CCDC120: variants seen among roughly 807,000 people sequenced by gnomAD.
CCDC120 encodes coiled-coil domain-containing protein 120.
A neutral mutation model predicts 37.6 loss-of-function variants in CCDC120; 16 were observed. The observed-to-expected ratio is 0.43, with a 90% CI of 0.29 to 0.65. CCDC120 has a LOEUF of 0.65. Ranked by LOEUF, CCDC120 falls within the 30% of genes least tolerant of loss-of-function variation. CCDC120 has a pLI of 0.18. For missense variants in CCDC120, 650 were observed against 657.4 expected (o/e 0.99, Z 0.12); for synonymous variants, 309 against 275.4 (o/e 1.12, Z -1.21).
At chrX:49,068,357 G>A (rs2064985195) in intron 10 of CCDC120, 187 bp from the exon 11 acceptor site, 2 of 1,061,368 alleles carry the variant, frequency 1.9e-6, no homozygotes, top group East Asian at 7.1e-5. Context: ...GGGAGGAAGG[G>A]ACATCTCATG....
At chrX:49,064,342 A>G (rs781943262) in intron 5 of CCDC120, 28 bp from the exon 6 acceptor site, 5 of 1,141,956 alleles carry the variant, frequency 4.4e-6, no homozygotes, top group Non-Finnish European at 5.8e-6. Context: ...GTTCCTGGCC[A>G]TTTCCAACAT....
rs373303313 is a variant in CCDC120 at position 49,062,520 on chromosome X, G to A, written c.207G>A (p.Gly69=). 8.3e-7 allele frequency: 1 copy of A among 1,211,996 alleles called. No individual in the cohort carries two copies. Among genetic ancestry groups the A allele is most frequent in the Non-Finnish European group, 1.1e-6 (1 of 895,549 alleles). Residue 69 remains glycine (G), a synonymous_variant, in exon 4 of 11, where the codon GGG becomes GGA. Transcript: ENST00000603986. ...AGGTGAAGTCAGAGCGTCTGCGGGG[G>A]CTGCTTGACCGGCAGCGGACCCTGC... ...APQVKSERLR[G]LLDRQRTLQE...
intron 1 of CCDC120, among the ~76,000 whole-genome samples, chrX:49,060,554 G>GT (rs1477056356): frequency 3.6e-5 from 4 of 110,356 alleles, no homozygotes; most frequent in Non-Finnish European, 7.6e-5. Flanking sequence ...GTAAAGGAAG[G>GT]TTCCAGGGAA....
chrX:49,059,409 C>T (rs1278378625), intron 1 of CCDC120: 1 of 724,662 alleles, frequency 1.4e-6, no homozygotes, highest in South Asian at 7.0e-5. Context: ...GCTTCCTTTC[C>T]TCCCCGCCAG....
intron 4 of CCDC120, 90 bp from the exon 5 acceptor site, chrX:49,063,771 G>A (rs2064916084): frequency 2.0e-6 from 2 of 1,024,802 alleles, no homozygotes; most frequent in Admixed American, 3.0e-5. Context: ...CAGGCTCCTG[G>A]TAGGACTTCT....
chrX:49,064,130 G>T lies in CCDC120; in HGVS notation c.429+129G>T, dbSNP rs1164849987. Reference sequence around the variant, plus strand: ...AGAGGCTAAGATGAGAAGGAAAAGGGCTTCTGGAGTTAGTTTCCTGTGATG... The same window carrying T: ...AGAGGCTAAGATGAGAAGGAAAAGGTCTTCTGGAGTTAGTTTCCTGTGATG... On this transcript the variant is annotated intron_variant, in intron 5 of 10. Coordinates refer to ENST00000603986, the MANE Select transcript of CCDC120 (RefSeq NM_001163321.4). The T allele has an allele frequency of 5.3e-6, 5 of 936,535 alleles. No individual in the cohort carries two copies. In the African/African-American group the frequency reaches 6.0e-5, roughly 11 times the overall value. 77.2% of individuals were successfully genotyped at this position (936,535 alleles called of 1,213,427 possible).
At position 49,064,372 on chromosome X, in the gene CCDC120, G is replaced by A; in HGVS notation, c.432G>A (p.Glu144=). The change falls in exon 6 of 11, where the codon GAG becomes GAA. Residue 144 remains glutamate, a splice_region_variant and synonymous_variant. Coordinates refer to ENST00000603986, the MANE Select transcript of CCDC120 (RefSeq NM_001163321.4). ...QAHHSLCPAE[E]LALEALEREV... ...CAACATTTGGGTGGGCCCAACAGGA[G>A]CTGGCTCTTGAGGCCCTGGAACGCG... The A allele has an allele frequency of 8.6e-7, 1 of 1,163,927 alleles. No homozygotes were observed. The highest frequency in any genetic ancestry group is 1.1e-6 in the Non-Finnish European group (1 of 871,446).
chrX:49,056,971 G>A (rs1177145206), upstream of CCDC120, among the ~76,000 whole-genome samples: 2 of 112,250 alleles, frequency 1.8e-5, no homozygotes, highest in African/African-American at 6.5e-5. Flanking sequence ...GAGGCACAGA[G>A]AGGTTAAGTG....
chrX:49,062,618 A>G lies in CCDC120; in HGVS notation c.288+17A>G, dbSNP rs781869149. 3 of 1,200,477 alleles carry G rather than the reference A, an allele frequency of 2.5e-6. No individual in the cohort carries two copies. The highest frequency in any genetic ancestry group is 2.2e-5 in the Admixed American group (1 of 45,127). Reference sequence around the variant, plus strand: ...CAGGAGGCGGTGAGGGCCTGGCCCTAGGGGTATCAGGCGGGGAGGTTGGGA... The same window carrying G: ...CAGGAGGCGGTGAGGGCCTGGCCCTGGGGGTATCAGGCGGGGAGGTTGGGA... On this transcript the variant is annotated intron_variant, in intron 4 of 10. Coordinates refer to ENST00000603986, the MANE Select transcript of CCDC120 (RefSeq NM_001163321.4).
rs782311234 is a variant in CCDC120 at position 49,067,875 on chromosome X, G to A, written c.1761G>A (p.Lys587=). 48 of 1,167,216 alleles carry A rather than the reference G, an allele frequency of 4.1e-5. 1 individual carries two copies. In the Middle Eastern group the frequency reaches 1.7e-3, roughly 41 times the overall value. The change falls in exon 10 of 11, where the codon AAG becomes AAA. Residue 587 remains lysine, a synonymous_variant. Coordinates refer to ENST00000603986, the MANE Select transcript of CCDC120 (RefSeq NM_001163321.4). ...CGGCTGGTGAACGCAGTGGCCACAA[G>A]AACCTGGCTCTGGAGGGGCTGCGGG... ...IPSAGERSGH[K]NLALEGLRDW... is the part of the protein sequence containing the mutation.
chrX:49,063,136 G>C (rs1416050876), intron 4 of CCDC120, among the ~76,000 whole-genome samples: 1 of 107,368 alleles, frequency 9.3e-6, no homozygotes, highest in Non-Finnish European at 1.9e-5. Flanking sequence ...GGAGCTTGCA[G>C]TGAGCCCAGA....
intron 9 of CCDC120, chrX:49,066,956 C>T (rs2064961709): frequency 4.8e-6 from 2 of 415,113 alleles, no homozygotes; most frequent in African/African-American, 5.1e-5. Flanking sequence ...TGCCAGGCCT[C>T]CCCCACGCAT....
In CCDC120 at chrX:49,065,514, A is replaced by G. The variant is rs782118601; in HGVS notation, c.848A>G (p.Gln283Arg). 1 of 1,210,131 alleles carries G rather than the reference A, an allele frequency of 8.3e-7. No homozygotes were observed. Among genetic ancestry groups the G allele is most frequent in the South Asian group, 1.8e-5 (1 of 56,551 alleles). The change falls in exon 8 of 11, where the codon CAG becomes CGG. Residue 283 changes from glutamine (Q) to arginine (R), a missense_variant. Gln to Arg is a conservative substitution (Grantham distance 43). Around this residue, in one of 3 missense-constraint regions of CCDC120, gnomAD observed 576 missense variants for 565.3 expected, o/e 1.02. Coordinates refer to ENST00000603986, the MANE Select transcript of CCDC120 (RefSeq NM_001163321.4). ...CCCTCACCACCCAAGGCTTGGGACC[A>G]GCTGCGGGCAGTATCTGGGGGGAGC... Reference protein sequence around the residue: ...ERPSPPKAWDQLRAVSGGSPE... With the variant: ...ERPSPPKAWDRLRAVSGGSPE...
rs781896051 is a variant in CCDC120 at position 49,062,213 on chromosome X, G to A, written c.64-22G>A. The A allele has an allele frequency of 2.2e-5, 26 of 1,197,497 alleles. No homozygotes were observed. The African/African-American group carries it at 3.2e-4, about 15-fold the overall frequency. On this transcript the variant is annotated intron_variant, in intron 2 of 10. Coordinates refer to ENST00000603986, the MANE Select transcript of CCDC120 (RefSeq NM_001163321.4). ...GTATCATGGGATGTGCTTCCTTAAC[G>A]GCTCCTTTGTGTCACTGCCAGACTT... is the stretch of plus-strand genomic sequence containing the variant.
chrX:49,067,917 C>T lies in CCDC120; in HGVS notation c.1803C>T (p.Asn601=). 1 of 1,158,502 alleles carries T rather than the reference C, an allele frequency of 8.6e-7. No homozygotes were observed. The highest frequency in any genetic ancestry group is 1.2e-6 in the Non-Finnish European group (1 of 866,191). The part of the protein sequence containing the change: ...LEGLRDWYIR[N]SGLAAGPQRR... ...GGCTGCGGGACTGGTACATCCGGAA[C>T]TCGGGACTGGCTGCGGGGCCCCAGC... Residue 601 remains asparagine (N), a synonymous_variant, in exon 10 of 11, where the codon AAC becomes AAT. Coordinates refer to ENST00000603986, the MANE Select transcript of CCDC120 (RefSeq NM_001163321.4).
Position 49,062,228 on chromosome X carries a change from CT to C in CCDC120, c.64-6del. 2 of 1,206,378 alleles carry C rather than the reference CT, an allele frequency of 1.7e-6. No homozygotes were observed. The highest frequency in any genetic ancestry group is 2.2e-6 in the Non-Finnish European group (2 of 892,735). ...CTTCCTTAACGGCTCCTTTGTGTCA[CT>C]GCCAGACTTTGTCCAGCCATCAGCC... On this transcript the variant is annotated splice_polypyrimidine_tract_variant and splice_region_variant and intron_variant, in intron 2 of 10. Transcript: ENST00000603986.
At position 49,069,381 on chromosome X, in the gene CCDC120, C is replaced by CT. The variant is rs1160013361; in HGVS notation, c.*733dup. On this transcript the variant is annotated 3_prime_UTR_variant, in exon 11 of 11. Coordinates refer to ENST00000603986, the MANE Select transcript of CCDC120 (RefSeq NM_001163321.4). ...CACCTTCCTTGGCTTTCCTTCCACC[C>CT]TTTTTTTTTTCTCGAGACGGAGTCT... is the stretch of plus-strand genomic sequence containing the variant. 2 of 20,462 alleles carry CT rather than the reference C, an allele frequency of 9.8e-5. No individual in the cohort carries two copies. Among genetic ancestry groups the CT allele is most frequent in the Non-Finnish European group, 3.0e-4 (2 of 6,727 alleles). The allele number at this position is 20,462 out of a possible 1,213,427, so 1.7% of individuals were successfully genotyped here.
chrX:49,061,073 G>A, intron 1 of CCDC120, among the ~76,000 whole-genome samples: 1 of 111,941 alleles, frequency 8.9e-6, no homozygotes, highest in East Asian at 2.8e-4. Flanking sequence ...AAGGAAGGGA[G>A]CAAACTCCAG....
chrX:49,062,202 G>T (rs1326637604), intron 2 of CCDC120, 33 bp from the exon 3 acceptor site: 3 of 1,189,724 alleles, frequency 2.5e-6, no homozygotes, highest in Non-Finnish European at 3.4e-6. Flanking sequence ...CATGGGATGT[G>T]CTTCCTTAAC....
Sources: gnomAD v4.1 joint callset for allele counts (sites outside exome capture counted in the v4.1 genomes callset) on GRCh38, gnomAD v4.1.1 for gene constraint, gnomAD v4.1.1 regional missense constraint, MANE v1.5 for transcripts, NCBI Gene and HGNC (gene_info 2026-07-23, HGNC 2026-07-21) for gene names.